The following NHSL1 variants were observed in gnomAD, a reference collection of about 807,000 sequenced individuals.
The protein encoded by NHSL1 is NHS-like protein 1.
A neutral mutation model predicts 95.0 loss-of-function variants in NHSL1; 48 were observed. That is an observed-to-expected ratio of 0.51 (90% CI 0.40 to 0.64). The LOEUF is 0.64. Among genes scored for constraint, NHSL1 ranks in the 30% least tolerant of loss-of-function variants. NHSL1 has a pLI of 0.00. For synonymous variants in NHSL1, 783 were observed against 833.9 expected (o/e 0.94, Z 1.05); for missense variants, 1,971 against 2,077.7 (o/e 0.95, Z 1.00).
At chr6:138,540,709 C>A (rs747559646) in intron 1 of NHSL1, among the ~76,000 whole-genome samples, 6 of 152,176 alleles carry the variant, frequency 3.9e-5, no homozygotes, top group Non-Finnish European at 4.4e-5. Context: ...GCTGTAATCT[C>A]CAACATAACT....
chr6:138,598,627 GA>G (rs35482505), intron 1 of NHSL1, among the ~76,000 whole-genome samples: 6,685 of 86,844 alleles, frequency 0.077, 223 homozygotes, highest in African/African-American at 0.13. Context: ...TCATCTGGAA[GA>G]AAAAAAAAAA....
chr6:138,437,439 CACACACAAA>C (rs1776250155), intron 5 of NHSL1, among the ~76,000 whole-genome samples: 2 of 33,796 alleles, frequency 5.9e-5, no homozygotes, highest in Admixed American at 2.6e-4. Flanking sequence ...CACACACACA[CACACACAAA>C]AAAAAAAAAA....
In NHSL1 at chr6:138,499,219, A is replaced by G. The variant is rs1780538686; in HGVS notation, c.58+14T>C. The G allele has an allele frequency of 4.6e-6, 7 of 1,511,308 alleles. No individual in the cohort carries two copies. The highest frequency in any genetic ancestry group is 6.3e-6 in the Non-Finnish European group (7 of 1,110,724). 93.6% of individuals were successfully genotyped at this position (1,511,308 alleles called of 1,614,324 possible). A position where few individuals can be genotyped will look rare whatever the true frequency, so the allele number is the denominator to read the frequency against. On this transcript the variant is annotated intron_variant, in intron 1 of 7. Transcript: ENST00000343505. ...TGCACACAATAGGTAGTAGAGAGAA[A>G]AGGAACTACTTACTTTTCTTCTTAA...
chr6:138,527,184 G>A (rs905981786), intron 1 of NHSL1, among the ~76,000 whole-genome samples: 1 of 152,152 alleles, frequency 6.6e-6, no homozygotes. Flanking sequence ...AGCGCTGGGA[G>A]GCTGCATTGG....
At chr6:138,477,027 G>C (rs1028355427) in intron 2 of NHSL1, among the ~76,000 whole-genome samples, 8 of 150,520 alleles carry the variant, frequency 5.3e-5, no homozygotes, top group Admixed American at 4.0e-4. Context: ...AAGACAATGA[G>C]GGACTTAATT....
chr6:138,520,450 C>T (rs1369888584), intron 1 of NHSL1, among the ~76,000 whole-genome samples: 2 of 151,830 alleles, frequency 1.3e-5, no homozygotes, highest in African/African-American at 2.4e-5. Context: ...CCACCACACC[C>T]AGCTAATTTT....
intron 3 of NHSL1, among the ~76,000 whole-genome samples, chr6:138,462,322 G>C (rs1026341685): frequency 6.6e-6 from 1 of 152,124 alleles, no homozygotes; most frequent in Non-Finnish European, 1.5e-5. Context: ...TGCAATGAGG[G>C]GAGGATCTGA....
upstream of NHSL1, among the ~76,000 whole-genome samples, chr6:138,549,820 C>G (rs1235126221): frequency 6.6e-6 from 1 of 152,130 alleles, no homozygotes; most frequent in East Asian, 1.9e-4. Context: ...AGCACACATA[C>G]CAACCTCTAT....
At chr6:138,485,155 A>C (rs2128268846) in intron 2 of NHSL1, among the ~76,000 whole-genome samples, 1 of 152,312 alleles carries the variant, frequency 6.6e-6, no homozygotes, top group Non-Finnish European at 1.5e-5. Context: ...AATCGCCTGC[A>C]AAGATTCTAA....
At chr6:138,496,747 T>C (rs1374653846) in intron 1 of NHSL1, among the ~76,000 whole-genome samples, 1 of 152,200 alleles carries the variant, frequency 6.6e-6, no homozygotes, top group African/African-American at 2.4e-5. Flanking sequence ...TACTCAACTG[T>C]ATAATGCCAT....
At chr6:138,558,982 C>CTAAAAATACAAAAATT (rs1783308079) in intron 1 of NHSL1, among the ~76,000 whole-genome samples, 1 of 151,866 alleles carries the variant, frequency 6.6e-6, no homozygotes, top group South Asian at 2.1e-4. Flanking sequence ...CCCTAGAGTT[C>CTAAAAATACAAAAATT]AGGTTACAAT....
chr6:138,672,373 A>G (rs1034060734), intron 1 of NHSL1, among the ~76,000 whole-genome samples: 1 of 152,112 alleles, frequency 6.6e-6, no homozygotes, highest in African/African-American at 2.4e-5. Context: ...CCTCCCTATG[A>G]TTTTCTTTCC....
intron 3 of NHSL1, among the ~76,000 whole-genome samples, chr6:138,469,083 C>CT (rs1455665873): frequency 6.6e-6 from 1 of 152,158 alleles, no homozygotes; most frequent in Non-Finnish European, 1.5e-5. Flanking sequence ...ACCACCACTG[C>CT]TGGCTGTACA....
At chr6:138,590,913 A>T (rs189753312) in intron 1 of NHSL1, among the ~76,000 whole-genome samples, 6 of 152,204 alleles carry the variant, frequency 3.9e-5, no homozygotes. Context: ...CCTCTCAAAA[A>T]TATGCTGGAA....
upstream of NHSL1, among the ~76,000 whole-genome samples, chr6:138,548,012 A>G (rs1188441964): frequency 6.6e-6 from 1 of 152,106 alleles, no homozygotes; most frequent in Non-Finnish European, 1.5e-5. Context: ...GGCTAATGAG[A>G]CCGAGTCTCA....
At chr6:138,517,330 G>A (rs1346745208) in intron 1 of NHSL1, among the ~76,000 whole-genome samples, 1 of 152,176 alleles carries the variant, frequency 6.6e-6, no homozygotes, top group Non-Finnish European at 1.5e-5. Flanking sequence ...TCTACAAGTA[G>A]GGTTTGCAGA....
chr6:138,552,881 C>T (rs1473526087), intron 1 of NHSL1, among the ~76,000 whole-genome samples: 2 of 152,174 alleles, frequency 1.3e-5, no homozygotes, highest in African/African-American at 4.8e-5. Flanking sequence ...AACCTTGTGC[C>T]ATTTATCCAG....
chr6:138,646,061 A>C (rs1356946973), intron 1 of NHSL1, among the ~76,000 whole-genome samples: 4 of 152,224 alleles, frequency 2.6e-5, no homozygotes, highest in Non-Finnish European at 5.9e-5. Flanking sequence ...TCTTAGTACA[A>C]GTTCTCAAGA....
chr6:138,513,129 G>A (rs1451263433), intron 1 of NHSL1, among the ~76,000 whole-genome samples: 1 of 152,210 alleles, frequency 6.6e-6, no homozygotes, highest in Non-Finnish European at 1.5e-5. Context: ...ACTTTGCACA[G>A]TGCCAACCTC....
Sources: gnomAD v4.1 joint callset for allele counts (sites outside exome capture counted in the v4.1 genomes callset) on GRCh38, gnomAD v4.1.1 for gene constraint, MANE v1.5 for transcripts, NCBI Gene and HGNC (gene_info 2026-07-23, HGNC 2026-07-21) for gene names.